TMEM68: variants seen among roughly 807,000 people sequenced by gnomAD.
TMEM68 encodes DGAT1/2-independent enzyme synthesizing storage lipids.
A neutral mutation model predicts 36.9 loss-of-function variants in TMEM68; 25 were observed. The ratio of observed to expected loss-of-function variants is 0.68; its 90% CI spans 0.49 to 0.95. The LOEUF (loss-of-function observed/expected upper bound fraction) is 0.95. TMEM68 is among the 40% of genes least tolerant of loss of function. TMEM68 has a pLI of 0.00. For synonymous variants in TMEM68, 131 were observed against 124.4 expected, an observed-to-expected ratio of 1.05 and a Z score of -0.35; for missense variants, 333 against 392.0, an observed-to-expected ratio of 0.85 and a Z score of 1.27.
At chr8:55,760,248 G>A (rs1203673852) in intron 3 of TMEM68, among the ~76,000 whole-genome samples, 1 of 152,236 alleles carries the variant, frequency 6.6e-6, no homozygotes, top group Admixed American at 6.5e-5. Context: ...GGGAAGTCAG[G>A]ATATTCTAAG....
intron 4 of TMEM68, among the ~76,000 whole-genome samples, chr8:55,754,560 T>C (rs1370279389): frequency 2.2e-5 from 3 of 138,726 alleles, no homozygotes; most frequent in South Asian, 4.3e-4. Flanking sequence ...AATACATACA[T>C]ATTATATATT....
intron 5 of TMEM68, among the ~76,000 whole-genome samples, chr8:55,749,488 T>G (rs1007877997): frequency 2.0e-5 from 3 of 152,330 alleles, no homozygotes; most frequent in African/African-American, 7.2e-5. Flanking sequence ...TATATATTAC[T>G]GAAAGACTTC....
At chr8:55,756,689 G>C (rs953628666) in intron 3 of TMEM68, among the ~76,000 whole-genome samples, 3 of 152,178 alleles carry the variant, frequency 2.0e-5, no homozygotes, top group Admixed American at 1.3e-4. Context: ...CACAGGTGGT[G>C]CGGAGTGGGG....
chr8:55,764,649 C>T (rs191971175), intron 1 of TMEM68, among the ~76,000 whole-genome samples: 98 of 152,344 alleles, frequency 6.4e-4, no homozygotes, highest in Non-Finnish European at 1.1e-3. Flanking sequence ...TTTCATCTAA[C>T]TTCCTTGTAA....
chr8:55,773,166 C>T (rs1234113690), intron 1 of TMEM68, 103 bp downstream of exon 1: 1 of 152,602 alleles, frequency 6.6e-6, no homozygotes, highest in African/African-American at 2.4e-5. Flanking sequence ...CGCGCGGCCT[C>T]CGCCGCTCCC....
At chr8:55,768,663 C>G (rs1339952958) in intron 1 of TMEM68, among the ~76,000 whole-genome samples, 1 of 151,626 alleles carries the variant, frequency 6.6e-6, no homozygotes, top group Non-Finnish European at 1.5e-5. Flanking sequence ...CTGGGCAACA[C>G]AGTGAAACCC....
chr8:55,740,155 C>T lies in TMEM68; in HGVS notation c.952G>A (p.Ala318Thr). 6.2e-7 allele frequency: 1 copy of T among 1,613,168 alleles called. No homozygotes were observed. Among genetic ancestry groups the T allele is most frequent in the Non-Finnish European group, 8.5e-7 (1 of 1,179,752 alleles). The change falls in exon 8 of 8, where the codon GCT becomes ACT. Residue 318 changes from alanine (A) to threonine (T), a missense_variant. By Grantham distance (58) the Ala-to-Thr change is moderately conservative (BLOSUM62 0). Coordinates refer to ENST00000434581, the MANE Select transcript of TMEM68 (RefSeq NM_001286657.2). ...HQRIPGNIMS[A>T]LLERFH ...TATCAATGAAAACGTTCTAACAAAG[C>T]ACTCATAATGTTTCCTGGTATTCTT...
chr8:55,766,537 C>T (rs960984511), intron 1 of TMEM68, among the ~76,000 whole-genome samples: 26 of 152,082 alleles, frequency 1.7e-4, no homozygotes, highest in Non-Finnish European at 3.2e-4. Flanking sequence ...CCACCACGCC[C>T]GGCTAATTTT....
intron 1 of TMEM68, among the ~76,000 whole-genome samples, chr8:55,770,549 T>C (rs998830211): frequency 2.0e-5 from 3 of 152,128 alleles, no homozygotes; most frequent in African/African-American, 7.2e-5. Context: ...GGCACGTTCC[T>C]GTAAGTTGCA....
chr8:55,772,274 T>C (rs1196001425), intron 1 of TMEM68, among the ~76,000 whole-genome samples: 6 of 152,220 alleles, frequency 3.9e-5, no homozygotes, highest in Non-Finnish European at 8.8e-5. Flanking sequence ...GAATTTTAGC[T>C]CAGTTTTTAT....
At chr8:55,764,161 T>C (rs1810892830) in intron 1 of TMEM68, among the ~76,000 whole-genome samples, 181 bp from the exon 2 acceptor site, 1 of 152,222 alleles carries the variant, frequency 6.6e-6, no homozygotes, top group Non-Finnish European at 1.5e-5. Flanking sequence ...CATGCTACCA[T>C]TGCTTTGGTG....
In TMEM68 at chr8:55,756,327, A is replaced by C; in HGVS notation, c.410T>G (p.Phe137Cys). The C allele has an allele frequency of 1.2e-6, 2 of 1,605,546 alleles. No individual in the cohort carries two copies. The highest frequency in any genetic ancestry group is 1.7e-6 in the Non-Finnish European group (2 of 1,177,232). Residue 137 changes from phenylalanine (F) to cysteine (C), a missense_variant, in exon 4 of 8, where the codon TTT becomes TGT. Phe to Cys is a radical substitution (Grantham distance 205). Transcript: ENST00000434581. The part of the protein sequence containing the change: ...IFYHGAIPID[F>C]YYFMAKIFIH... ...AAATATTTTAGCCATGAAATAGTAA[A>C]AATCTATAGGAATAGCTCCATGATA... is the stretch of plus-strand genomic sequence containing the variant.
chr8:55,754,936 TATATTTATACACACACAC>T (rs1377898982), intron 4 of TMEM68, among the ~76,000 whole-genome samples: 159 of 44,432 alleles, frequency 3.6e-3, no homozygotes, highest in South Asian at 0.017. Context: ...TATATTTATA[TATATTTATACACACACAC>T]ACACACACAC....
rs571248668 is a variant in TMEM68, at chr8:55,759,824, G to A, written c.325+2811C>T. On this transcript the variant is annotated intron_variant, in intron 3 of 7. Transcript: ENST00000434581. Reference sequence around the variant, plus strand: ...GATTTTGTACAATCTTATTACATGTGGGGGAAAAACTTTAATCACAGATTT... The same window carrying A: ...GATTTTGTACAATCTTATTACATGTAGGGGAAAAACTTTAATCACAGATTT... 2.0e-5 allele frequency among the ~76,000 whole-genome samples: 3 copies of A among 152,208 alleles called. No individual in the cohort carries two copies. The East Asian group carries it at 5.8e-4, about 29-fold the overall frequency.
intron 1 of TMEM68, among the ~76,000 whole-genome samples, chr8:55,764,551 A>C (rs1040489161): frequency 6.6e-6 from 1 of 152,242 alleles, no homozygotes; most frequent in Non-Finnish European, 1.5e-5. Flanking sequence ...TACATATAAG[A>C]AAAATGTATT....
chr8:55,762,832 T>C lies in TMEM68; in HGVS notation c.128A>G (p.Tyr43Cys), dbSNP rs1810839345. The C allele has an allele frequency of 6.2e-7, 1 of 1,614,028 alleles. No homozygotes were observed. The highest frequency in any genetic ancestry group is 1.3e-5 in the African/African-American group (1 of 74,928). ...QLEDYLNFANYLLWVFTPLIL... is the reference protein window; with the variant it reads ...QLEDYLNFANCLLWVFTPLIL... ...TAGTGGTGTAAAAACCCACAAGAGATAGTTTGCAAAATTCAAATAGTCCTC... is the reference window on the plus strand; with the variant it reads ...TAGTGGTGTAAAAACCCACAAGAGACAGTTTGCAAAATTCAAATAGTCCTC... The change falls in exon 3 of 8, where the codon TAT (tyrosine) becomes TGT (cysteine). Residue 43 changes from tyrosine (Y) to cysteine (C), a missense_variant. Transcript: ENST00000434581.
chr8:55,757,580 G>A (rs975992097), intron 3 of TMEM68, among the ~76,000 whole-genome samples: 1 of 152,086 alleles, frequency 6.6e-6, no homozygotes, highest in African/African-American at 2.4e-5. Context: ...TGGGAAAGGG[G>A]CAGGAAACCC....
At chr8:55,760,186 GAA>G in intron 3 of TMEM68, among the ~76,000 whole-genome samples, 2 of 152,386 alleles carry the variant, frequency 1.3e-5, no homozygotes, top group South Asian at 2.1e-4. Flanking sequence ...GTAGGGAATA[GAA>G]AAGACTTAAG....
At chr8:55,741,409 A>G (rs1215277391) in intron 7 of TMEM68, among the ~76,000 whole-genome samples, 3 of 152,204 alleles carry the variant, frequency 2.0e-5, no homozygotes, top group African/African-American at 4.8e-5. Context: ...TATCTCTAGA[A>G]TTTTATTTAT....
Sources: gnomAD v4.1 joint callset for allele counts (sites outside exome capture counted in the v4.1 genomes callset) on GRCh38, gnomAD v4.1.1 for gene constraint, MANE v1.5 for transcripts, NCBI Gene and HGNC (gene_info 2026-07-23, HGNC 2026-07-21) for gene names.